The following SEMA5B variants were observed in gnomAD, a reference collection of about 807,000 sequenced individuals.
The protein encoded by SEMA5B is semaphorin 5B, also known as semaphorin-5B.
SEMA5B carries 66 observed loss-of-function variants against 135.0 expected under a neutral mutation model. The observed-to-expected ratio is 0.49, with a 90% CI of 0.40 to 0.60. The LOEUF is 0.60. Ranked by LOEUF, SEMA5B falls within the 20% of genes least tolerant of loss-of-function variation. The pLI is 0.00. For missense variants in SEMA5B, 1,501 were observed against 1,566.3 expected, an observed-to-expected ratio of 0.96 and a Z score of 0.70; for synonymous variants, 690 against 639.5, an observed-to-expected ratio of 1.08 and a Z score of -1.19.
chr3:122,979,363 C>T (rs1009439048), intron 1 of SEMA5B, among the ~76,000 whole-genome samples: 4 of 152,190 alleles, frequency 2.6e-5, no homozygotes, highest in Admixed American at 6.5e-5. Context: ...CCAAGCAGCC[C>T]GCCATCCACG....
chr3:122,909,100 C>T lies in SEMA5B; in HGVS notation c.*1043G>A, dbSNP rs550094816. 3.6e-4 allele frequency: 55 copies of T among 152,744 alleles called. 1 individual carries two copies. The highest frequency in any genetic ancestry group is 1.3e-3 in the African/African-American group (55 of 41,550). 9.5% of individuals were successfully genotyped at this position (152,744 alleles called of 1,614,324 possible). ...AGATAAGGCTACTTGGGGCATTTCC[C>T]CCGCCTTGAGAGACCATCTGCCACC... is the stretch of plus-strand genomic sequence containing the variant. On this transcript the variant is annotated 3_prime_UTR_variant, in exon 23 of 23. Coordinates refer to ENST00000357599, the MANE Select transcript of SEMA5B (RefSeq NM_001031702.4).
chr3:122,946,792 G>C (rs891094999), intron 3 of SEMA5B, among the ~76,000 whole-genome samples: 1 of 152,070 alleles, frequency 6.6e-6, no homozygotes, highest in African/African-American at 2.4e-5. Context: ...TTCAGCAAAC[G>C]GATAGGAAAA....
At chr3:123,003,857 T>TA (rs1314838469) in intron 1 of SEMA5B, among the ~76,000 whole-genome samples, 5 of 146,692 alleles carry the variant, frequency 3.4e-5, no homozygotes, top group Admixed American at 6.8e-5. Flanking sequence ...AATAAATAAA[T>TA]AATAATAATA....
chr3:123,013,219 G>A (rs1257418031), intron 1 of SEMA5B, among the ~76,000 whole-genome samples: 1 of 152,202 alleles, frequency 6.6e-6, no homozygotes, highest in African/African-American at 2.4e-5. Context: ...CATGCCATCT[G>A]TAAAATGGGG....
intron 1 of SEMA5B, among the ~76,000 whole-genome samples, chr3:123,015,109 A>G (rs1942527242): frequency 6.6e-6 from 1 of 152,236 alleles, no homozygotes; most frequent in South Asian, 2.1e-4. Context: ...GGAAGCACGG[A>G]GCAGATCTTC....
At chr3:122,911,769 G>A (rs1576325525) in intron 20 of SEMA5B, 151 bp downstream of exon 20, 1 of 1,110,820 alleles carries the variant, frequency 9.0e-7, no homozygotes, top group African/African-American at 1.6e-5. Flanking sequence ...AGGCAAATAT[G>A]GGAGTTTTCT....
In SEMA5B at chr3:122,911,323, G is replaced by A. The variant is rs752011828; in HGVS notation, c.3091+168C>T. 2.6e-5 allele frequency: 40 copies of A among 1,518,162 alleles called. No individual in the cohort carries two copies. The South Asian group carries it at 3.8e-4, about 14-fold the overall frequency. The allele number at this position is 1,518,162 out of a possible 1,614,324, so 94.0% of individuals were successfully genotyped here. A position where few individuals can be genotyped will look rare whatever the true frequency, so the allele number is the denominator to read the frequency against. On this transcript the variant is annotated intron_variant, in intron 21 of 22. Transcript: ENST00000357599. ...ACTGATGATGGCCTCCTAGCTGGGGGGGGCATGGAGGGAACTGCCCAGACC... is the reference window on the plus strand; with the variant it reads ...ACTGATGATGGCCTCCTAGCTGGGGAGGGCATGGAGGGAACTGCCCAGACC...
intron 1 of SEMA5B, among the ~76,000 whole-genome samples, chr3:123,022,057 G>A (rs780337765): frequency 2.0e-5 from 3 of 152,118 alleles, no homozygotes; most frequent in Admixed American, 6.6e-5. Flanking sequence ...ATCAAGAAGC[G>A]ACTGCAATAT....
intron 1 of SEMA5B, among the ~76,000 whole-genome samples, chr3:122,970,988 G>A: frequency 6.6e-6 from 1 of 152,320 alleles, no homozygotes; most frequent in Non-Finnish European, 1.5e-5. Flanking sequence ...AGAGCCAGAA[G>A]GCTTGGAGAG....
intron 7 of SEMA5B, 59 bp from the exon 8 acceptor site, chr3:122,928,062 T>C: frequency 7.7e-7 from 1 of 1,294,960 alleles, no homozygotes; most frequent in Non-Finnish European, 1.0e-6. Flanking sequence ...TGCCTGTTCT[T>C]TCCATCTGAG....
intron 10 of SEMA5B, 69 bp from the exon 11 acceptor site, chr3:122,922,516 C>A (rs962831995): frequency 3.5e-6 from 5 of 1,440,880 alleles, no homozygotes; most frequent in African/African-American, 1.4e-5. Context: ...CCGGCTCCCT[C>A]CTCCTGGCAA....
chr3:122,969,611 G>A (rs1005386359), intron 1 of SEMA5B, among the ~76,000 whole-genome samples: 3 of 152,160 alleles, frequency 2.0e-5, no homozygotes, highest in Non-Finnish European at 2.9e-5. Flanking sequence ...TCCACCTCAT[G>A]GACATCACAG....
In SEMA5B at chr3:122,980,182, C is replaced by T. The variant is rs567293760; in HGVS notation, c.-38-18881G>A. 4.6e-5 allele frequency among the ~76,000 whole-genome samples: 7 copies of T among 152,016 alleles called. No homozygotes were observed. The South Asian group carries it at 6.2e-4, about 14-fold the overall frequency. Reference sequence around the variant, plus strand: ...GGATCTAAAGGACCAAGGAATTGGCCGGGCATGGTGGCTCACGCCTGTAAT... The same window carrying T: ...GGATCTAAAGGACCAAGGAATTGGCTGGGCATGGTGGCTCACGCCTGTAAT... On this transcript the variant is annotated intron_variant, in intron 1 of 22. Transcript: ENST00000357599.
rs368184762 is a variant in SEMA5B at position 122,911,921 on chromosome 3, G to A, written c.3045C>T (p.Pro1015=). ...GCAGGTGCTGGCAGGGGTACCTACCGGGAATCTCGCTGTAGGGGCAGGGGC... is the reference window on the plus strand; with the variant it reads ...GCAGGTGCTGGCAGGGGTACCTACCAGGAATCTCGCTGTAGGGGCAGGGGC... ...QSRPCPYSEI[P]VILPASSMEE... is the part of the protein sequence containing the mutation. The change falls in exon 20 of 23, where the codon CCC becomes CCT. Residue 1015 remains proline, a splice_region_variant and synonymous_variant. Coordinates refer to ENST00000357599, the MANE Select transcript of SEMA5B (RefSeq NM_001031702.4). 6.9e-6 allele frequency: 11 copies of A among 1,594,892 alleles called. No homozygotes were observed. Among genetic ancestry groups the A allele is most frequent in the East Asian group, 4.5e-5 (2 of 44,420 alleles).
chr3:122,956,445 G>C (rs538170156), intron 2 of SEMA5B, among the ~76,000 whole-genome samples: 1 of 152,226 alleles, frequency 6.6e-6, no homozygotes, highest in Non-Finnish European at 1.5e-5. Flanking sequence ...TGTAACAGGG[G>C]GAGTGAGTGA....
At chr3:122,966,145 C>T (rs572962891) in intron 1 of SEMA5B, among the ~76,000 whole-genome samples, 1 of 152,276 alleles carries the variant, frequency 6.6e-6, no homozygotes, top group South Asian at 2.1e-4. Flanking sequence ...CCATGATGCC[C>T]CCCACACTCT....
intron 4 of SEMA5B, among the ~76,000 whole-genome samples, chr3:122,941,271 G>T (rs1432580044): frequency 6.6e-6 from 1 of 152,202 alleles, no homozygotes; most frequent in Non-Finnish European, 1.5e-5. Flanking sequence ...GTCTAGAATT[G>T]AGTTTCCCTG....
intron 1 of SEMA5B, chr3:122,976,154 C>T: frequency 6.5e-7 from 1 of 1,534,474 alleles, no homozygotes; most frequent in Non-Finnish European, 8.7e-7. Context: ...ACTTCCTCAC[C>T]CTGTGTTGGG....
chr3:122,920,785 A>T (rs1938309039), intron 12 of SEMA5B, among the ~76,000 whole-genome samples: 1 of 152,152 alleles, frequency 6.6e-6, no homozygotes, highest in Non-Finnish European at 1.5e-5. Context: ...CTCTCCCCAC[A>T]TGTCTGATAT....
Sources: gnomAD v4.1 joint callset for allele counts (sites outside exome capture counted in the v4.1 genomes callset) on GRCh38, gnomAD v4.1.1 for gene constraint, MANE v1.5 for transcripts, NCBI Gene and HGNC (gene_info 2026-07-23, HGNC 2026-07-21) for gene names.